DLGAP1: variants seen among roughly 807,000 people sequenced by gnomAD.
The protein encoded by DLGAP1 is disks large-associated protein 1.
A neutral mutation model predicts 90.8 loss-of-function variants in DLGAP1; 11 were observed. That is an observed-to-expected ratio of 0.12 (90% CI 0.08 to 0.20). The LOEUF is 0.20. Ranked by LOEUF, DLGAP1 falls within the 10% of genes least tolerant of loss-of-function variation. The probability of loss-of-function intolerance (pLI) is 1.00; values close to 1 mark genes in which losing one functional copy is unlikely to be tolerated. For synonymous variants in DLGAP1, 558 were observed against 540.7 expected, an observed-to-expected ratio of 1.03 and a Z score of -0.44; for missense variants, 1,050 against 1,333.8, an observed-to-expected ratio of 0.79 and a Z score of 3.31.
chr18:3,606,364 A>G (rs1483917245), intron 7 of DLGAP1, among the ~76,000 whole-genome samples: 5 of 152,226 alleles, frequency 3.3e-5, no homozygotes, highest in Admixed American at 2.0e-4. Flanking sequence ...AGACGTTTTC[A>G]TTACTTCCTT....
chr18:3,605,820 AG>A (rs2057300132), intron 7 of DLGAP1, among the ~76,000 whole-genome samples: 2 of 57,200 alleles, frequency 3.5e-5, no homozygotes, highest in South Asian at 9.9e-4. Context: ...TTTTAGCGGC[AG>A]GAGATTTTTT....
At chr18:3,929,823 T>C (rs1434323427) in intron 3 of DLGAP1, among the ~76,000 whole-genome samples, 1 of 152,244 alleles carries the variant, frequency 6.6e-6, no homozygotes, top group African/African-American at 2.4e-5. Context: ...CAAAAAATAG[T>C]GTGAGGAACA....
At chr18:4,171,468 G>A (rs1041420973) in intron 1 of DLGAP1, among the ~76,000 whole-genome samples, 55 of 151,974 alleles carry the variant, frequency 3.6e-4, no homozygotes, top group Admixed American at 2.0e-4. Context: ...GGGAGGCTGA[G>A]GCAGGAGAAT....
intron 7 of DLGAP1, among the ~76,000 whole-genome samples, chr18:3,613,098 A>G (rs1342518963): frequency 6.6e-6 from 1 of 152,114 alleles, no homozygotes; most frequent in Non-Finnish European, 1.5e-5. Flanking sequence ...TCGGCTTCCC[A>G]AAGTGCTGGG....
intron 1 of DLGAP1, among the ~76,000 whole-genome samples, chr18:4,191,580 T>A (rs961921898): frequency 3.9e-5 from 6 of 152,198 alleles, no homozygotes; most frequent in Admixed American, 3.3e-4. Context: ...AGAGTGGCCA[T>A]AGTGATCTCA....
intron 2 of DLGAP1, among the ~76,000 whole-genome samples, chr18:4,047,165 C>A (rs2075066958): frequency 6.6e-6 from 1 of 152,184 alleles, no homozygotes; most frequent in African/African-American, 2.4e-5. Flanking sequence ...GTCTATGTAA[C>A]TGTTTCTAAA....
At chr18:3,576,413 C>T (rs2055139803) in intron 8 of DLGAP1, among the ~76,000 whole-genome samples, 1 of 151,916 alleles carries the variant, frequency 6.6e-6, no homozygotes, top group Non-Finnish European at 1.5e-5. Flanking sequence ...TGCCCACCAC[C>T]ATGCCCAACT....
intron 1 of DLGAP1, among the ~76,000 whole-genome samples, chr18:4,277,162 C>T (rs556669795): frequency 6.6e-5 from 10 of 152,166 alleles, no homozygotes; most frequent in Admixed American, 2.0e-4. Context: ...GTGATATAGA[C>T]GACTGTGAGA....
rs768796247 is a variant in DLGAP1 at position 3,517,094 on chromosome 18, A to G, written c.2480-8433T>C. Among the ~76,000 whole-genome samples the G allele has an allele frequency of 1.4e-4, 22 of 152,202 alleles. No homozygotes were observed. Among genetic ancestry groups the G allele is most frequent in the Non-Finnish European group, 2.9e-5 (2 of 68,026 alleles). On this transcript the variant is annotated intron_variant, in intron 10 of 12. Transcript: ENST00000315677. The surrounding 1 kb of genome is among the most constrained non-coding windows in gnomAD (Gnocchi z 4.1). ...CCATGCTGTGAATAGAGATACTCTC[A>G]TCTAGGCTCTGTTGTTCTACTTATA...
intron 7 of DLGAP1, among the ~76,000 whole-genome samples, chr18:3,583,159 T>G (rs1452787065): frequency 3.9e-4 from 52 of 132,780 alleles, no homozygotes; most frequent in Non-Finnish European, 6.4e-4. Flanking sequence ...CCTACCTACC[T>G]ACCTACCTAC....
chr18:3,544,762 A>G (rs1410246227), intron 9 of DLGAP1, among the ~76,000 whole-genome samples: 1 of 96,566 alleles, frequency 1.0e-5, no homozygotes, highest in Non-Finnish European at 2.4e-5. Flanking sequence ...TTTTTGAGAC[A>G]AGGTCTGGCA....
chr18:3,874,789 TAAAAATA>T, intron 4 of DLGAP1: 1 of 1,387,668 alleles, frequency 7.2e-7, no homozygotes, highest in Non-Finnish European at 9.3e-7. Flanking sequence ...TCTTGACATT[TAAAAATA>T]ACAATATTGG....
At chr18:3,725,143 T>G (rs550859246) in intron 7 of DLGAP1, among the ~76,000 whole-genome samples, 1 of 152,296 alleles carries the variant, frequency 6.6e-6, no homozygotes, top group East Asian at 1.9e-4. Context: ...CTTTTTGAAG[T>G]TTTTTCTGTA....
chr18:3,611,768 C>G (rs759273351), intron 7 of DLGAP1, among the ~76,000 whole-genome samples: 4 of 152,114 alleles, frequency 2.6e-5, no homozygotes. Context: ...CAAAGAAAAT[C>G]CAAACAAAAA....
intron 2 of DLGAP1, among the ~76,000 whole-genome samples, chr18:4,075,616 T>C (rs924406440): frequency 3.9e-5 from 6 of 152,174 alleles, no homozygotes; most frequent in African/African-American, 1.4e-4. Context: ...CAAGACCTCA[T>C]TGAACAAAAC....
intron 1 of DLGAP1, among the ~76,000 whole-genome samples, chr18:4,447,133 A>C (rs2083687177): frequency 6.6e-6 from 1 of 152,216 alleles, no homozygotes; most frequent in Non-Finnish European, 1.5e-5. Flanking sequence ...AGATGTGAAG[A>C]TACGACTATT....
chr18:4,226,590 T>C (rs2078192782), intron 1 of DLGAP1, among the ~76,000 whole-genome samples: 1 of 151,720 alleles, frequency 6.6e-6, no homozygotes, highest in Admixed American at 6.6e-5. Flanking sequence ...GTTTTCTCTT[T>C]GCTTGTTAAT....
At chr18:3,721,610 A>AT (rs1410146933) in intron 7 of DLGAP1, 11 of 152,202 alleles carry the variant, frequency 7.2e-5, no homozygotes, top group African/African-American at 2.7e-4. Context: ...AAAAAAGAGA[A>AT]TTTTTTAGAA....
chr18:4,373,840 T>C (rs934714257), intron 1 of DLGAP1, among the ~76,000 whole-genome samples: 2 of 152,198 alleles, frequency 1.3e-5, no homozygotes, highest in Non-Finnish European at 2.9e-5. Flanking sequence ...GTTCAACATA[T>C]TTATCCTGTC....
Sources: gnomAD v4.1 joint callset for allele counts (sites outside exome capture counted in the v4.1 genomes callset) on GRCh38, gnomAD v4.1.1 for gene constraint, Gnocchi (gnomAD v3.1) non-coding constraint, MANE v1.5 for transcripts, NCBI Gene and HGNC (gene_info 2026-07-23, HGNC 2026-07-21) for gene names.